DISP1: variants seen among roughly 807,000 people sequenced by gnomAD.
DISP1 encodes protein dispatched homolog 1.
DISP1 carries 30 observed loss-of-function variants against 37.3 expected under a neutral mutation model. The observed-to-expected ratio is 0.80, with a 90% CI of 0.60 to 1.09. DISP1 has a LOEUF of 1.09. DISP1 is among the 50% of genes least tolerant of loss of function. DISP1 has a pLI of 0.00. For synonymous variants in DISP1, 634 were observed against 690.2 expected (o/e 0.92, Z 1.28); for missense variants, 1,598 against 1,879.5 (o/e 0.85, Z 2.77).
At chr1:222,908,345 C>T (rs957164899) in intron 1 of DISP1, among the ~76,000 whole-genome samples, 3 of 119,872 alleles carry the variant, frequency 2.5e-5, no homozygotes, top group Non-Finnish European at 5.6e-5. Context: ...GAGTGAGACC[C>T]TTAATGTAAA....
chr1:222,868,076 G>T (rs1669299792), intron 1 of DISP1, among the ~76,000 whole-genome samples: 1 of 152,048 alleles, frequency 6.6e-6, no homozygotes, highest in Admixed American at 6.6e-5. Flanking sequence ...GTAATTTTTT[G>T]CAGGTATTAA....
intron 1 of DISP1, among the ~76,000 whole-genome samples, chr1:222,910,094 T>G (rs1310318575): frequency 2.6e-5 from 4 of 152,166 alleles, no homozygotes; most frequent in Non-Finnish European, 4.4e-5. Context: ...GCTGGCGCGG[T>G]GGCTCACACC....
At chr1:222,986,676 A>G (rs969386084) in intron 4 of DISP1, among the ~76,000 whole-genome samples, 4 of 152,214 alleles carry the variant, frequency 2.6e-5, no homozygotes, top group Admixed American at 2.0e-4. Flanking sequence ...TAAAAGGAGA[A>G]TGAGCCCTTC....
intron 2 of DISP1, among the ~76,000 whole-genome samples, chr1:222,935,311 G>A (rs1330353137): frequency 2.6e-5 from 4 of 152,126 alleles, no homozygotes; most frequent in African/African-American, 9.7e-5. Context: ...ATCCAGTCTT[G>A]CCATTTATTC....
Position 222,859,551 on chromosome 1 carries a change from A to C in DISP1, c.-159+44473A>C, listed in dbSNP as rs1181744945. Among the ~76,000 whole-genome samples, 3 of 152,360 alleles carry C rather than the reference A, an allele frequency of 2.0e-5. No homozygotes were observed. The East Asian group carries it at 5.8e-4, about 29-fold the overall frequency. On this transcript the variant is annotated intron_variant, in intron 1 of 8. Coordinates refer to ENST00000675850, the MANE Select transcript of DISP1 (RefSeq NM_001377229.1). ...GAGAAGATATTATATCCACAAAAGA[A>C]TAACAGGATACTTTAGATGGGATCA...
At chr1:222,832,815 G>GTAGCAA (rs1666084961) in intron 1 of DISP1, among the ~76,000 whole-genome samples, 1 of 152,136 alleles carries the variant, frequency 6.6e-6, no homozygotes, top group African/African-American at 2.4e-5. Flanking sequence ...AGACTCACTT[G>GTAGCAA]AACCCGGGAG....
intron 1 of DISP1, among the ~76,000 whole-genome samples, chr1:222,889,114 T>G (rs915604714): frequency 6.6e-6 from 1 of 152,092 alleles, no homozygotes. Context: ...AAAACACACT[T>G]TATAATTTGG....
intron 1 of DISP1, among the ~76,000 whole-genome samples, chr1:222,890,068 T>C (rs976771609): frequency 6.6e-6 from 1 of 152,200 alleles, no homozygotes; most frequent in Non-Finnish European, 1.5e-5. Flanking sequence ...GTGATAAGCT[T>C]CCTTATAGTG....
At chr1:222,992,987 C>T (rs907285182) in intron 7 of DISP1, among the ~76,000 whole-genome samples, 25 of 151,236 alleles carry the variant, frequency 1.7e-4, no homozygotes, top group African/African-American at 6.1e-4. Context: ...TCAGCCTTCC[C>T]GAGTAGCTGG....
At chr1:222,979,781 C>T (rs1446621167) in intron 3 of DISP1, 4 of 388,748 alleles carry the variant, frequency 1.0e-5, no homozygotes, top group South Asian at 1.9e-5. Flanking sequence ...GCCAGCTGAG[C>T]GCTGCAGGTC....
intron 1 of DISP1, among the ~76,000 whole-genome samples, chr1:222,835,622 T>G (rs1468908713): frequency 1.3e-5 from 2 of 152,190 alleles, no homozygotes; most frequent in Non-Finnish European, 2.9e-5. Flanking sequence ...CTATGGCAAA[T>G]TTTTATACTA....
In DISP1 at chr1:223,002,485, A is replaced by G. The variant is rs1679533424; in HGVS notation, c.1088A>G (p.Asn363Ser). 2.5e-6 allele frequency: 4 copies of G among 1,614,060 alleles called. No homozygotes were observed. The highest frequency in any genetic ancestry group is 2.7e-5 in the African/African-American group (2 of 74,920). Residue 363 changes from asparagine to serine, a missense_variant, in exon 9 of 9, where the codon AAT becomes AGT. By Grantham distance (46) the Asn-to-Ser change is conservative (BLOSUM62 1). Transcript: ENST00000675850. ...TLGNYIAILN[N>S]RSSCQKIVER... ...GGAAACTACATCGCCATTCTGAACA[A>G]TAGATCGTCCTGTCAGAAAATAGTT... is the stretch of plus-strand genomic sequence containing the variant.
intron 1 of DISP1, among the ~76,000 whole-genome samples, chr1:222,824,501 CT>C (rs1663789372): frequency 6.6e-6 from 1 of 152,094 alleles, no homozygotes; most frequent in Non-Finnish European, 1.5e-5. Flanking sequence ...ACTTGAAGTA[CT>C]TTTTAGAGAG....
chr1:222,971,362 T>A (rs1438374282), intron 3 of DISP1, among the ~76,000 whole-genome samples: 1 of 151,862 alleles, frequency 6.6e-6, no homozygotes, highest in Non-Finnish European at 1.5e-5. Context: ...TTGGAGTTCA[T>A]TTTGATACAG....
intron 1 of DISP1, among the ~76,000 whole-genome samples, chr1:222,908,646 G>A (rs868050728): frequency 1.1e-4 from 17 of 152,004 alleles, no homozygotes; most frequent in South Asian, 4.2e-4. Flanking sequence ...TGCCCACCAC[G>A]GCCTCCCAAA....
chr1:222,994,736 C>T, intron 7 of DISP1, 149 bp from the exon 8 acceptor site: 1 of 626,788 alleles, frequency 1.6e-6, no homozygotes, highest in African/African-American at 1.9e-5. Flanking sequence ...AACATTTTCT[C>T]CTGGAATTTA....
intron 4 of DISP1, among the ~76,000 whole-genome samples, chr1:222,990,380 T>G (rs1464271021): frequency 1.3e-5 from 2 of 152,226 alleles, no homozygotes; most frequent in African/African-American, 4.8e-5. Flanking sequence ...TGGCATAAAG[T>G]GCTACTTGAT....
chr1:222,963,825 T>C (rs1676253061), intron 3 of DISP1, among the ~76,000 whole-genome samples: 1 of 152,078 alleles, frequency 6.6e-6, no homozygotes, highest in Non-Finnish European at 1.5e-5. Flanking sequence ...CAAACCACCA[T>C]GGCACATGTA....
chr1:222,932,237 G>A (rs757518090), intron 2 of DISP1, among the ~76,000 whole-genome samples: 2 of 151,866 alleles, frequency 1.3e-5, no homozygotes, highest in Middle Eastern at 3.2e-3. Flanking sequence ...CACCCAGGAT[G>A]CTTTAAAAAA....
Sources: allele counts gnomAD v4.1 joint callset (sites outside exome capture counted in the v4.1 genomes callset), GRCh38; gene constraint gnomAD v4.1.1; transcripts MANE v1.5; gene names NCBI Gene and HGNC (gene_info 2026-07-23, HGNC 2026-07-21).